The following ABI3BP variants were observed in gnomAD, a reference collection of about 807,000 sequenced individuals.
The protein encoded by ABI3BP is ABI family member 3 binding protein.
Under a neutral mutation model 268.6 loss-of-function variants are expected in ABI3BP, and 216 were observed. The observed-to-expected ratio is 0.80, with a 90% CI of 0.72 to 0.90. The LOEUF (loss-of-function observed/expected upper bound fraction) is 0.90, where lower values mean the gene tolerates loss of function less well. ABI3BP is among the 40% of genes least tolerant of loss of function. ABI3BP has a pLI of 0.00. For missense variants in ABI3BP, 2,090 were observed against 2,182.4 expected (o/e 0.96, Z 0.84); for synonymous variants, 730 against 730.0 (o/e 1.00, Z 0.00).
chr3:100,749,331 A>AATC lies in ABI3BP; in HGVS notation c.*1161_*1163dup, dbSNP rs922326997. 21 of 104,632 alleles carry AATC rather than the reference A, an allele frequency of 2.0e-4. No individual in the cohort carries two copies. The highest frequency in any genetic ancestry group is 9.8e-4 in the African/African-American group (16 of 16,376). The allele number at this position is 104,632 out of a possible 1,614,324, so 6.5% of individuals were successfully genotyped here. A position where few individuals can be genotyped will look rare whatever the true frequency, so the allele number is the denominator to read the frequency against. ...ATTCAGAAATAACAAACAAAAACTC[A>AATC]ATCTTAAAAAAAAACTACATCTCTT... is the stretch of plus-strand genomic sequence containing the variant. On this transcript the variant is annotated 3_prime_UTR_variant, in exon 68 of 68. Coordinates refer to ENST00000471714, the MANE Select transcript of ABI3BP (RefSeq NM_001375547.2).
chr3:100,932,747 T>A (rs1258399294), intron 1 of ABI3BP, among the ~76,000 whole-genome samples: 3 of 152,150 alleles, frequency 2.0e-5, no homozygotes, highest in Admixed American at 1.3e-4. Context: ...ACACTGCTAG[T>A]GGGAATGTAA....
At chr3:100,877,213 T>C (rs1250258098) in intron 6 of ABI3BP, among the ~76,000 whole-genome samples, 2 of 152,240 alleles carry the variant, frequency 1.3e-5, no homozygotes, top group Non-Finnish European at 2.9e-5. Flanking sequence ...AAATTGTTTT[T>C]ACAGTCCCTC....
intron 20 of ABI3BP, chr3:100,843,881 C>G: frequency 4.1e-6 from 4 of 984,830 alleles, no homozygotes; most frequent in Non-Finnish European, 4.8e-6. Flanking sequence ...CTCATTGCAT[C>G]TTTTAGACTT....
At chr3:100,920,200 C>T (rs2059823938) in intron 2 of ABI3BP, among the ~76,000 whole-genome samples, 1 of 152,098 alleles carries the variant, frequency 6.6e-6, no homozygotes, top group African/African-American at 2.4e-5. Flanking sequence ...AAACAAAAAC[C>T]ACAAAACTGC....
intron 4 of ABI3BP, among the ~76,000 whole-genome samples, chr3:100,889,028 TA>T (rs1294565645): frequency 2.6e-5 from 4 of 152,110 alleles, no homozygotes; most frequent in African/African-American, 9.7e-5. Context: ...TATCTCTAAG[TA>T]ACCAATTATT....
rs138776557 is a variant in ABI3BP, at chr3:100,870,139, T to A, written c.911-3183A>T. Among the ~76,000 whole-genome samples, 1,350 of 152,274 alleles carry A rather than the reference T, an allele frequency of 8.9e-3. 8 individuals carry two copies. Among genetic ancestry groups the A allele is most frequent in the Middle Eastern group, 0.02 (6 of 294 alleles). On this transcript the variant is annotated intron_variant, in intron 9 of 67. Transcript: ENST00000471714. ...AATTAACTTCAGCGCAGTTTATTTC[T>A]CCCTTCATGGCATAAAGGACTGTTT...
intron 58 of ABI3BP, among the ~76,000 whole-genome samples, chr3:100,778,885 TG>T (rs1034907515): frequency 3.7e-4 from 57 of 152,312 alleles, no homozygotes; most frequent in Non-Finnish European, 7.2e-4. Flanking sequence ...AGGAAAATCC[TG>T]GGACCAATCC....
At chr3:100,903,601 G>A (rs2051598818) in intron 2 of ABI3BP, among the ~76,000 whole-genome samples, 1 of 152,174 alleles carries the variant, frequency 6.6e-6, no homozygotes, top group Non-Finnish European at 1.5e-5. Context: ...AGAATTCACA[G>A]CTACTTACTC....
intron 1 of ABI3BP, among the ~76,000 whole-genome samples, chr3:100,992,552 G>T (rs2093112404): frequency 6.6e-6 from 1 of 152,218 alleles, no homozygotes. Context: ...AAGTGCCTCT[G>T]CAGAGAAACA....
chr3:100,820,107 T>C, intron 40 of ABI3BP, 113 bp downstream of exon 40: 1 of 882,688 alleles, frequency 1.1e-6, no homozygotes. Context: ...GCACATCTTT[T>C]GTGCCTTCAT....
intron 9 of ABI3BP, among the ~76,000 whole-genome samples, chr3:100,870,500 A>G (rs1322245201): frequency 1.3e-5 from 2 of 152,126 alleles, no homozygotes; most frequent in Non-Finnish European, 2.9e-5. Flanking sequence ...CTGAGATATC[A>G]CCTCACTTCT....
chr3:100,962,544 T>C (rs1205818187), intron 1 of ABI3BP, among the ~76,000 whole-genome samples: 2 of 152,156 alleles, frequency 1.3e-5, no homozygotes, highest in African/African-American at 4.8e-5. Context: ...CTTCCTTCTC[T>C]CTTCAGTCCA....
rs751437625 is a variant in ABI3BP at position 100,923,964 on chromosome 3, T to G, written c.259+2338A>C. Among the ~76,000 whole-genome samples, 144 of 152,254 alleles carry G rather than the reference T, an allele frequency of 9.5e-4. 1 individual carries two copies. The highest frequency in any genetic ancestry group is 3.4e-3 in the Middle Eastern group (1 of 294). ...GGACAGGCAGCCATTATGCACCTCT[T>G]TTTGTGAGTCATTAGGAAATACATA... On this transcript the variant is annotated intron_variant, in intron 2 of 67. Transcript: ENST00000471714.
Position 100,749,450 on chromosome 3 carries a change from A to G in ABI3BP, c.*1045T>C. ...GGTAAGTACAGGGAAAGGTCCTTTCAGAATGACTGCAACAGTGCAGCAAGG... is the reference window on the plus strand; with the variant it reads ...GGTAAGTACAGGGAAAGGTCCTTTCGGAATGACTGCAACAGTGCAGCAAGG... On this transcript the variant is annotated 3_prime_UTR_variant, in exon 68 of 68. Coordinates refer to ENST00000471714, the MANE Select transcript of ABI3BP (RefSeq NM_001375547.2). The G allele has an allele frequency of 2.5e-6, 1 of 392,418 alleles. No individual in the cohort carries two copies. The highest frequency in any genetic ancestry group is 4.5e-6 in the Non-Finnish European group (1 of 222,150). The allele number at this position is 392,418 out of a possible 1,614,324, so 24.3% of individuals were successfully genotyped here. A position where few individuals can be genotyped will look rare whatever the true frequency, so the allele number is the denominator to read the frequency against.
chr3:100,934,715 G>C (rs1423898206), intron 1 of ABI3BP, among the ~76,000 whole-genome samples: 1 of 147,804 alleles, frequency 6.8e-6, no homozygotes, highest in African/African-American at 2.5e-5. Context: ...GTTTTGATTT[G>C]CATTTCTCTA....
chr3:100,967,226 G>A (rs1331307417), intron 1 of ABI3BP, among the ~76,000 whole-genome samples: 1 of 152,104 alleles, frequency 6.6e-6, no homozygotes, highest in African/African-American at 2.4e-5. Flanking sequence ...TGAGGGCTAG[G>A]TGCGGTGGCT....
In ABI3BP at chr3:100,756,334, G is replaced by C. The variant is rs546371515; in HGVS notation, c.4851-1643C>G. On this transcript the variant is annotated intron_variant, in intron 63 of 67. Coordinates refer to ENST00000471714, the MANE Select transcript of ABI3BP (RefSeq NM_001375547.2). ...GAGGTCCTGAGTTTGAGACCAGCCTGACCAACATGGAGAAACCCTGTCTCT... is the reference window on the plus strand; with the variant it reads ...GAGGTCCTGAGTTTGAGACCAGCCTCACCAACATGGAGAAACCCTGTCTCT... 5.3e-5 allele frequency among the ~76,000 whole-genome samples: 8 copies of C among 152,324 alleles called. No homozygotes were observed. In the South Asian group the frequency reaches 1.7e-3, roughly 32 times the overall value.
At chr3:100,945,688 T>G (rs1443299088) in intron 1 of ABI3BP, 1 of 436,034 alleles carries the variant, frequency 2.3e-6, no homozygotes, top group Non-Finnish European at 4.6e-6. Flanking sequence ...TAAATAGAAT[T>G]TTATGAATAT....
intron 1 of ABI3BP, among the ~76,000 whole-genome samples, chr3:100,982,986 G>A (rs1025778995): frequency 1.2e-4 from 19 of 152,164 alleles, no homozygotes; most frequent in Non-Finnish European, 2.1e-4. Context: ...ACCAGAATCC[G>A]CTGCTCTCAG....
Sources: gnomAD v4.1 joint callset for allele counts (sites outside exome capture counted in the v4.1 genomes callset) on GRCh38, gnomAD v4.1.1 for gene constraint, MANE v1.5 for transcripts, NCBI Gene and HGNC (gene_info 2026-07-23, HGNC 2026-07-21) for gene names.